GALNT5: variants seen among roughly 807,000 people sequenced by gnomAD.
GALNT5 encodes the protein polypeptide N-acetylgalactosaminyltransferase 5, also known as UDP-GalNAc:polypeptide N-acetylgalactosaminyltransferase 5.
GALNT5 carries 72 observed loss-of-function variants against 85.4 expected under a neutral mutation model. The ratio of observed to expected loss-of-function variants is 0.84; its 90% CI spans 0.70 to 1.03. GALNT5 has a LOEUF of 1.03. Among genes scored for constraint, GALNT5 ranks in the 50% least tolerant of loss-of-function variants. The pLI, the probability that GALNT5 is intolerant of heterozygous loss-of-function variation, is 0.00. For missense variants in GALNT5, 1,137 were observed against 1,135.5 expected (o/e 1.00, Z -0.02); for synonymous variants, 404 against 397.0 (o/e 1.02, Z -0.21).
chr2:157,266,216 C>A (rs1288047315), intron 1 of GALNT5, among the ~76,000 whole-genome samples: 1 of 152,138 alleles, frequency 6.6e-6, no homozygotes, highest in Non-Finnish European at 1.5e-5. Context: ...TGTGGCCATG[C>A]CAGATTAGCA....
At chr2:157,287,826 G>C (rs555191099) in intron 3 of GALNT5, among the ~76,000 whole-genome samples, 1 of 152,328 alleles carries the variant, frequency 6.6e-6, no homozygotes, top group African/African-American at 2.4e-5. Flanking sequence ...TCTGTGCCCT[G>C]TAATACTAGC....
At chr2:157,278,370 G>T (rs1023575118) in intron 1 of GALNT5, among the ~76,000 whole-genome samples, 3 of 150,672 alleles carry the variant, frequency 2.0e-5, no homozygotes, top group Non-Finnish European at 4.5e-5. Flanking sequence ...TGTTGGCTAG[G>T]TTGGGGACAT....
intron 1 of GALNT5, 34 bp downstream of exon 1, chr2:157,259,570 C>T (rs778164169): frequency 7.7e-7 from 1 of 1,306,434 alleles, no homozygotes; most frequent in Middle Eastern, 2.0e-4. Flanking sequence ...TCCTCAACCC[C>T]AAGTGCTTTG....
At chr2:157,303,133 C>T (rs1013887324) in intron 7 of GALNT5, among the ~76,000 whole-genome samples, 26 of 152,128 alleles carry the variant, frequency 1.7e-4, no homozygotes, top group Admixed American at 9.8e-4. Context: ...TAAGAACAAA[C>T]ATTTTCTTAT....
chr2:157,290,032 C>T (rs1558898640), intron 3 of GALNT5, among the ~76,000 whole-genome samples: 1 of 149,220 alleles, frequency 6.7e-6, no homozygotes, highest in Non-Finnish European at 1.5e-5. Context: ...AAGATCACAC[C>T]ACTGCACTCC....
intron 7 of GALNT5, among the ~76,000 whole-genome samples, chr2:157,304,212 G>A (rs1683406047): frequency 6.6e-6 from 1 of 152,114 alleles, no homozygotes; most frequent in Admixed American, 6.5e-5. Context: ...GACTGTGGGG[G>A]CATTGAATCC....
intron 7 of GALNT5, among the ~76,000 whole-genome samples, chr2:157,304,143 C>G (rs1015100286): frequency 6.6e-6 from 1 of 152,174 alleles, no homozygotes; most frequent in Non-Finnish European, 1.5e-5. Flanking sequence ...CTTTAAGCCC[C>G]GAGATTATTC....
Position 157,259,312 on chromosome 2 carries a change from A to G in GALNT5, c.1230A>G (p.Ile410Met). 6.3e-7 allele frequency: 1 copy of G among 1,591,616 alleles called. No homozygotes were observed. The highest frequency in any genetic ancestry group is 8.5e-7 in the Non-Finnish European group (1 of 1,171,302). ...APSTEYNQSH[I>M]KALLPEDSGT... ...CTACAGAATACAACCAGAGTCATAT[A>G]AAAGCCCTTTTACCTGAAGACAGTG... The change falls in exon 1 of 10, where the codon ATA (isoleucine) becomes ATG (methionine). Residue 410 changes from isoleucine (I) to methionine (M), a missense_variant. By Grantham distance (10) the Ile-to-Met change is conservative (BLOSUM62 1). Coordinates refer to ENST00000259056, the MANE Select transcript of GALNT5 (RefSeq NM_014568.3).
chr2:157,287,553 C>T (rs1194682198), intron 3 of GALNT5, among the ~76,000 whole-genome samples: 1 of 152,156 alleles, frequency 6.6e-6, no homozygotes, highest in East Asian at 1.9e-4. Context: ...CTTCTTCAAG[C>T]CTGTGCCCTT....
rs750638166 is a variant in GALNT5 at position 157,258,633 on chromosome 2, T to C, written c.551T>C (p.Ile184Thr). The part of the protein sequence containing the change: ...IAAKGTQVVK[I>T]SVHMGRVSLK... The stretch of plus-strand genomic sequence containing the variant: ...GCAAAAGGAACTCAGGTAGTCAAAA[T>C]ATCAGTACACATGGGACGTGTCAGT... The change falls in exon 1 of 10, where the codon ATA (isoleucine) becomes ACA (threonine). Residue 184 changes from isoleucine to threonine, a missense_variant. Physicochemically the swap from Ile to Thr is moderately conservative, Grantham distance 89 (BLOSUM62 -1). Transcript: ENST00000259056. 22 of 1,613,544 alleles carry C rather than the reference T, an allele frequency of 1.4e-5. No homozygotes were observed. The highest frequency in any genetic ancestry group is 1.6e-4 in the Middle Eastern group (1 of 6,084).
chr2:157,260,203 T>C (rs1682305804), intron 1 of GALNT5, among the ~76,000 whole-genome samples: 1 of 152,212 alleles, frequency 6.6e-6, no homozygotes, highest in Non-Finnish European at 1.5e-5. Flanking sequence ...TAATAATCAC[T>C]TATATTTGTA....
At chr2:157,279,325 C>T (rs931772488) in intron 1 of GALNT5, among the ~76,000 whole-genome samples, 10 of 152,254 alleles carry the variant, frequency 6.6e-5, no homozygotes, top group Admixed American at 4.6e-4. Context: ...AGAGCTCAAA[C>T]GCCGTGCTGG....
chr2:157,290,112 T>TACATATACAC (rs1683068173), intron 3 of GALNT5, among the ~76,000 whole-genome samples: 99 of 137,848 alleles, frequency 7.2e-4, no homozygotes, highest in African/African-American at 2.8e-3. Context: ...TATATATATA[T>TACATATACAC]ACATACACAA....
chr2:157,289,252 T>C (rs183165538), intron 3 of GALNT5, among the ~76,000 whole-genome samples: 2 of 152,330 alleles, frequency 1.3e-5, no homozygotes, highest in Admixed American at 6.5e-5. Context: ...CAGTTGCAAC[T>C]GCTTGCTCAA....
rs879883289 is a variant in GALNT5, at chr2:157,313,388, T to C, written c.*2040T>C. ...TAAGTACACTCTGATATTCACACAA[T>C]GATGAAATTGCCTAATGACACATTT... On this transcript the variant is annotated 3_prime_UTR_variant, in exon 10 of 10. Coordinates refer to ENST00000259056, the MANE Select transcript of GALNT5 (RefSeq NM_014568.3). 2 of 152,192 alleles carry C rather than the reference T, an allele frequency of 1.3e-5. No homozygotes were observed. The highest frequency in any genetic ancestry group is 2.9e-5 in the Non-Finnish European group (2 of 68,026). The allele number at this position is 152,192 out of a possible 1,614,324, so 9.4% of individuals were successfully genotyped here.
intron 1 of GALNT5, among the ~76,000 whole-genome samples, chr2:157,277,790 G>A (rs984799224): frequency 1.2e-4 from 18 of 152,200 alleles, no homozygotes; most frequent in Non-Finnish European, 4.4e-5. Flanking sequence ...GCCAGACTGT[G>A]TCTTTTAATT....
In GALNT5 at chr2:157,259,427, C is replaced by A; in HGVS notation, c.1345C>A (p.His449Asn). Reference protein sequence around the residue: ...GQFGRPVVVPHGKEKEAERRW... With the variant: ...GQFGRPVVVPNGKEKEAERRW... ...GTTTGGGCGTCCTGTAGTTGTCCCCCATGGAAAGGAGAAGGAGGCAGAAAG... is the reference window on the plus strand; with the variant it reads ...GTTTGGGCGTCCTGTAGTTGTCCCCAATGGAAAGGAGAAGGAGGCAGAAAG... The change falls in exon 1 of 10, where the codon CAT (histidine) becomes AAT (asparagine). Residue 449 changes from histidine (H) to asparagine (N), a missense_variant. Physicochemically the swap from His to Asn is moderately conservative, Grantham distance 68. Transcript: ENST00000259056. 6.8e-7 allele frequency: 1 copy of A among 1,475,108 alleles called. No homozygotes were observed. Among genetic ancestry groups the A allele is most frequent in the Non-Finnish European group, 9.0e-7 (1 of 1,111,882 alleles). The allele number at this position is 1,475,108 out of a possible 1,614,324, so 91.4% of individuals were successfully genotyped here.
chr2:157,284,094 C>A (rs1386737852), intron 1 of GALNT5, among the ~76,000 whole-genome samples, 188 bp from the exon 2 acceptor site: 1 of 151,530 alleles, frequency 6.6e-6, no homozygotes, highest in Non-Finnish European at 1.5e-5. Flanking sequence ...TACCCCTCCC[C>A]AAAAAAAGGC....
Position 157,266,241 on chromosome 2 carries a change from T to G in GALNT5, c.1454+6705T>G, listed in dbSNP as rs192276718. 2.6e-5 allele frequency among the ~76,000 whole-genome samples: 4 copies of G among 152,326 alleles called. No individual in the cohort carries two copies. The East Asian group carries it at 5.8e-4, about 22-fold the overall frequency. On this transcript the variant is annotated intron_variant, in intron 1 of 9. Coordinates refer to ENST00000259056, the MANE Select transcript of GALNT5 (RefSeq NM_014568.3). ...CCAGATTAGCAAAGTGTTACCTCTC[T>G]TTATTAACAGATGAGGGGGGAAAAA...
Sources: allele counts gnomAD v4.1 joint callset (sites outside exome capture counted in the v4.1 genomes callset), GRCh38; gene constraint gnomAD v4.1.1; transcripts MANE v1.5; gene names NCBI Gene and HGNC (gene_info 2026-07-23, HGNC 2026-07-21).